The following PTPRG variants were observed in gnomAD, a reference collection of about 807,000 sequenced individuals.
The protein encoded by PTPRG is receptor-type tyrosine-protein phosphatase gamma.
Under a neutral mutation model 165.3 loss-of-function variants are expected in PTPRG, and 102 were observed. That is an observed-to-expected ratio of 0.62 (90% CI 0.53 to 0.73). The LOEUF (loss-of-function observed/expected upper bound fraction) is 0.73. PTPRG is among the 30% of genes least tolerant of loss of function. PTPRG has a pLI of 0.00. For synonymous variants in PTPRG, 675 were observed against 669.5 expected (o/e 1.01, Z -0.13); for missense variants, 1,866 against 1,861.4 (o/e 1.00, Z -0.05).
At chr3:62,003,607 A>G in intron 4 of PTPRG, 110 bp downstream of exon 4, 2 of 1,357,988 alleles carry the variant, frequency 1.5e-6, no homozygotes, top group Non-Finnish European at 1.0e-6. Flanking sequence ...TACAGTACCT[A>G]ACTTCCTCTC....
chr3:62,249,856 G>A (rs1701371854), intron 15 of PTPRG, among the ~76,000 whole-genome samples: 1 of 152,138 alleles, frequency 6.6e-6, no homozygotes, highest in Non-Finnish European at 1.5e-5. Flanking sequence ...CTCTAGGGAG[G>A]TAATATAATA....
At chr3:62,167,017 G>C (rs1705014114) in intron 7 of PTPRG, among the ~76,000 whole-genome samples, 1 of 151,912 alleles carries the variant, frequency 6.6e-6, no homozygotes, top group African/African-American at 2.4e-5. Flanking sequence ...AATATGATTT[G>C]GGCACCCTGA....
At chr3:61,696,959 G>A (rs2030638661) in intron 1 of PTPRG, among the ~76,000 whole-genome samples, 1 of 152,164 alleles carries the variant, frequency 6.6e-6, no homozygotes, top group South Asian at 2.1e-4. Context: ...TGATGACAGA[G>A]TCTCTCTCCT....
chr3:62,106,710 C>T (rs1172033369), intron 5 of PTPRG, among the ~76,000 whole-genome samples: 1 of 152,102 alleles, frequency 6.6e-6, no homozygotes, highest in Non-Finnish European at 1.5e-5. Context: ...ACCAAGCCCT[C>T]TTGATATCTT....
intron 2 of PTPRG, among the ~76,000 whole-genome samples, chr3:61,803,358 G>A (rs937878720): frequency 2.0e-5 from 3 of 147,976 alleles, no homozygotes; most frequent in East Asian, 2.0e-4. Context: ...TTTTTCCTGC[G>A]AAGTCTTTGA....
chr3:61,707,366 C>T (rs2031316839), intron 1 of PTPRG, among the ~76,000 whole-genome samples: 1 of 152,160 alleles, frequency 6.6e-6, no homozygotes, highest in Admixed American at 6.5e-5. Flanking sequence ...TGACAAGTTC[C>T]AAGATCTGCC....
intron 2 of PTPRG, among the ~76,000 whole-genome samples, chr3:61,950,055 G>C (rs1186689568): frequency 6.6e-6 from 1 of 152,090 alleles, no homozygotes; most frequent in Non-Finnish European, 1.5e-5. Flanking sequence ...CAAGCCTTTA[G>C]TTTTTAATCA....
intron 4 of PTPRG, among the ~76,000 whole-genome samples, chr3:62,027,443 G>C (rs1421296839): frequency 6.6e-6 from 1 of 152,024 alleles, no homozygotes; most frequent in Non-Finnish European, 1.5e-5. Flanking sequence ...AAAATGCAGT[G>C]GGCTGTGTCA....
intron 1 of PTPRG, among the ~76,000 whole-genome samples, chr3:61,634,380 G>C (rs1380777381): frequency 6.6e-6 from 1 of 151,970 alleles, no homozygotes; most frequent in African/African-American, 2.4e-5. Context: ...CTGGGATACA[G>C]GTGCCTACCA....
chr3:62,203,503 C>T lies in PTPRG; in HGVS notation c.1708C>T (p.Pro570Ser), dbSNP rs1559644691. ...ASPGPDGDSSPTKDGEGTEEG... is the reference protein window; with the variant it reads ...ASPGPDGDSSSTKDGEGTEEG... ...TCCAGGGCCCGATGGTGATTCGTCA[C>T]CAACCAAGGACGGCGAGGGCACCGA... The change falls in exon 12 of 30, where the codon CCA (proline) becomes TCA (serine). Residue 570 changes from proline (P) to serine (S), a missense_variant. Physicochemically the swap from Pro to Ser is moderately conservative, Grantham distance 74. Coordinates refer to ENST00000474889, the MANE Select transcript of PTPRG (RefSeq NM_002841.4). This position sits in a 1 kb window ranked among gnomAD's most constrained non-coding sequence, Gnocchi z 6.4. 1 of 1,564,618 alleles carries T rather than the reference C, an allele frequency of 6.4e-7. No individual in the cohort carries two copies.
chr3:62,051,997 A>G lies in PTPRG; in HGVS notation c.520-26166A>G, dbSNP rs183832284. On this transcript the variant is annotated intron_variant, in intron 4 of 29. Transcript: ENST00000474889. ...CCAGAATAGACAAATGGCTTAATCA[A>G]CATGGTCTCTGTCACCCATCTTCTG... 6.6e-5 allele frequency among the ~76,000 whole-genome samples: 10 copies of G among 152,346 alleles called. No individual in the cohort carries two copies. The East Asian group carries it at 1.7e-3, about 26-fold the overall frequency.
chr3:62,021,620 T>TTG (rs1661110379), intron 4 of PTPRG, among the ~76,000 whole-genome samples: 1 of 152,324 alleles, frequency 6.6e-6, no homozygotes, highest in African/African-American at 2.4e-5. Context: ...TGGAAGTTCT[T>TTG]TGTGTTACAG....
At chr3:62,256,567 T>C (rs1701541373) in intron 16 of PTPRG, among the ~76,000 whole-genome samples, 1 of 152,208 alleles carries the variant, frequency 6.6e-6, no homozygotes. Flanking sequence ...AGTCAAACAT[T>C]TTGTATTCAT....
At chr3:62,027,905 C>G (rs1699622877) in intron 4 of PTPRG, among the ~76,000 whole-genome samples, 1 of 152,180 alleles carries the variant, frequency 6.6e-6, no homozygotes, top group Non-Finnish European at 1.5e-5. Context: ...AATAAAAAAT[C>G]ACATCACTTG....
chr3:62,038,517 A>C (rs971906647), intron 4 of PTPRG, among the ~76,000 whole-genome samples: 1 of 151,756 alleles, frequency 6.6e-6, no homozygotes, highest in Non-Finnish European at 1.5e-5. Flanking sequence ...CCCACCTCAG[A>C]CTCTCCAGTA....
chr3:62,085,318 A>T (rs1187174232), intron 5 of PTPRG, among the ~76,000 whole-genome samples: 1 of 135,998 alleles, frequency 7.4e-6, no homozygotes, highest in Non-Finnish European at 1.5e-5. Flanking sequence ...GGTCAAGGAC[A>T]TTGAACATGA....
intron 1 of PTPRG, among the ~76,000 whole-genome samples, chr3:61,614,601 G>A (rs898627292): frequency 5.0e-4 from 76 of 151,734 alleles, no homozygotes; most frequent in African/African-American, 1.8e-3. Flanking sequence ...TTTATGAGAT[G>A]GGGTTTTAGC....
At chr3:62,166,322 T>TTTTA (rs1180406157) in intron 7 of PTPRG, among the ~76,000 whole-genome samples, 1 of 150,754 alleles carries the variant, frequency 6.6e-6, no homozygotes, top group Non-Finnish European at 1.5e-5. Context: ...GAATTACTTT[T>TTTTA]TTTATTTTTA....
chr3:61,869,951 A>C (rs902282884), intron 2 of PTPRG, among the ~76,000 whole-genome samples: 23 of 151,452 alleles, frequency 1.5e-4, no homozygotes, highest in Non-Finnish European at 2.9e-4. Flanking sequence ...TTGTGATTCG[A>C]CTCTCATCCT....
Sources: gnomAD v4.1 joint callset for allele counts (sites outside exome capture counted in the v4.1 genomes callset) on GRCh38, gnomAD v4.1.1 for gene constraint, Gnocchi (gnomAD v3.1) non-coding constraint, MANE v1.5 for transcripts, NCBI Gene and HGNC (gene_info 2026-07-23, HGNC 2026-07-21) for gene names.